The following SGMS2 variants were observed in gnomAD, a reference collection of about 807,000 sequenced individuals.
The protein encoded by SGMS2 is sphingomyelin synthase 2, also known as phosphatidylcholine:ceramide cholinephosphotransferase 2.
A neutral mutation model predicts 43.8 loss-of-function variants in SGMS2; 21 were observed. The observed-to-expected ratio is 0.48, with a 90% CI of 0.34 to 0.69. The LOEUF is 0.69. SGMS2 is among the 30% of genes least tolerant of loss of function. SGMS2 has a pLI of 0.01. For synonymous variants in SGMS2, 167 were observed against 160.6 expected (o/e 1.04, Z -0.30); for missense variants, 384 against 443.2 (o/e 0.87, Z 1.20).
At chr4:107,889,098 A>T (rs1016391985) in intron 2 of SGMS2, among the ~76,000 whole-genome samples, 1 of 152,174 alleles carries the variant, frequency 6.6e-6, no homozygotes, top group Non-Finnish European at 1.5e-5. Flanking sequence ...TGAAACAAAG[A>T]CAGTAACAGT....
Position 107,846,381 on chromosome 4 carries a change from C to A in SGMS2, c.-326-12091C>A, listed in dbSNP as rs911875874. 4.0e-5 allele frequency among the ~76,000 whole-genome samples: 6 copies of A among 149,188 alleles called. No individual in the cohort carries two copies. In the South Asian group the frequency reaches 1.1e-3, roughly 26 times the overall value. On this transcript the variant is annotated intron_variant, in intron 1 of 6. Coordinates refer to ENST00000690982, the MANE Select transcript of SGMS2 (RefSeq NM_001375905.1). ...TGTGGTATTTGGTTTTTTGTCCTTG[C>A]GATAGTTTACTGAGAATGATGATTT...
intron 4 of SGMS2, among the ~76,000 whole-genome samples, chr4:107,901,242 G>A (rs1206303423): frequency 1.3e-5 from 2 of 152,234 alleles, no homozygotes; most frequent in African/African-American, 2.4e-5. Context: ...GCATAAGCAA[G>A]CCATATATGC....
chr4:107,907,273 A>G (rs1731658882), intron 5 of SGMS2: 1 of 152,234 alleles, frequency 6.6e-6, no homozygotes, highest in Non-Finnish European at 1.5e-5. Context: ...TAGTTTTACC[A>G]AGAGATTATA....
At chr4:107,871,612 A>G (rs1458626148) in intron 2 of SGMS2, among the ~76,000 whole-genome samples, 1 of 152,098 alleles carries the variant, frequency 6.6e-6, no homozygotes, top group East Asian at 1.9e-4. Flanking sequence ...CTGTCTGTTT[A>G]CTTTACCTTC....
rs1320065981 is a variant in SGMS2, at chr4:107,913,164, C to T, written c.*2611C>T. The stretch of plus-strand genomic sequence containing the variant: ...TCTTTGTTTTTTTCAAGTCTATGCT[C>T]CTGTTTGAAGCTTTTCCTGTAATTT... On this transcript the variant is annotated 3_prime_UTR_variant, in exon 7 of 7. Coordinates refer to ENST00000690982, the MANE Select transcript of SGMS2 (RefSeq NM_001375905.1). 1 of 151,780 alleles carries T rather than the reference C, an allele frequency of 6.6e-6. No individual in the cohort carries two copies. Among genetic ancestry groups the T allele is most frequent in the Non-Finnish European group, 1.5e-5 (1 of 67,952 alleles). 9.4% of individuals were successfully genotyped at this position (151,780 alleles called of 1,614,324 possible). A position where few individuals can be genotyped will look rare whatever the true frequency, so the allele number is the denominator to read the frequency against.
chr4:107,852,399 G>A (rs1357619357), intron 1 of SGMS2, among the ~76,000 whole-genome samples: 2 of 152,096 alleles, frequency 1.3e-5, no homozygotes, highest in Non-Finnish European at 1.5e-5. Flanking sequence ...TGTGTTTTGG[G>A]AGTTTTTGTG....
intron 1 of SGMS2, among the ~76,000 whole-genome samples, chr4:107,835,581 C>T (rs533540832): frequency 2.6e-5 from 4 of 152,274 alleles, no homozygotes; most frequent in East Asian, 1.9e-4. Context: ...GGTGCAGTGT[C>T]GCATCGGACT....
rs567014381 is a variant in SGMS2 at position 107,870,572 on chromosome 4, A to T, written c.-245+12019A>T. The stretch of plus-strand genomic sequence containing the variant: ...CTTTAAAGATACCCGCCATTAACCC[A>T]TAATCACTTTTGCCAATTTTAAGAT... On this transcript the variant is annotated intron_variant, in intron 2 of 6. Coordinates refer to ENST00000690982, the MANE Select transcript of SGMS2 (RefSeq NM_001375905.1). 2.0e-5 allele frequency among the ~76,000 whole-genome samples: 3 copies of T among 152,206 alleles called. No individual in the cohort carries two copies. In the South Asian group the frequency reaches 6.2e-4, roughly 31 times the overall value.
At chr4:107,860,637 G>A (rs947554180) in intron 2 of SGMS2, among the ~76,000 whole-genome samples, 6 of 151,580 alleles carry the variant, frequency 4.0e-5, no homozygotes, top group Admixed American at 4.0e-4. Flanking sequence ...CAATTCTCCT[G>A]CCTCAGCCTC....
intron 2 of SGMS2, among the ~76,000 whole-genome samples, chr4:107,863,017 T>C (rs1170831996): frequency 6.6e-6 from 1 of 152,198 alleles, no homozygotes; most frequent in Non-Finnish European, 1.5e-5. Flanking sequence ...TTTGGAAGAA[T>C]GCCACCTTAC....
intron 1 of SGMS2, among the ~76,000 whole-genome samples, chr4:107,843,729 T>G (rs1452842314): frequency 6.6e-6 from 1 of 152,218 alleles, no homozygotes; most frequent in Admixed American, 6.5e-5. Context: ...CCAAGAAGGC[T>G]TGGATGTCTT....
At chr4:107,881,836 T>C (rs1729380929) in intron 2 of SGMS2, among the ~76,000 whole-genome samples, 1 of 152,190 alleles carries the variant, frequency 6.6e-6, no homozygotes, top group African/African-American at 2.4e-5. Context: ...TTTTAATTTT[T>C]AGCTCCCACA....
chr4:107,906,560 C>G (rs1239999558), intron 5 of SGMS2, among the ~76,000 whole-genome samples: 3 of 152,184 alleles, frequency 2.0e-5, no homozygotes, highest in Admixed American at 2.0e-4. Context: ...GTGTCATCAT[C>G]TAGCTCATTG....
At chr4:107,895,078 A>G in intron 2 of SGMS2, among the ~76,000 whole-genome samples, 1 of 152,206 alleles carries the variant, frequency 6.6e-6, no homozygotes, top group East Asian at 1.9e-4. Context: ...TGATTGTTAA[A>G]ATGTTCCTAT....
intron 2 of SGMS2, among the ~76,000 whole-genome samples, chr4:107,865,956 T>C (rs184011709): frequency 4.7e-4 from 71 of 152,340 alleles, no homozygotes; most frequent in Non-Finnish European, 9.3e-4. Context: ...TCAACCATAA[T>C]ATGCCAATGG....
chr4:107,878,388 G>C (rs1729089280), intron 2 of SGMS2, among the ~76,000 whole-genome samples: 1 of 152,160 alleles, frequency 6.6e-6, no homozygotes, highest in Non-Finnish European at 1.5e-5. Context: ...TCAAATGCAT[G>C]ATATGCTCCC....
At chr4:107,827,544 T>A (rs770265163) in intron 1 of SGMS2, among the ~76,000 whole-genome samples, 29 of 152,182 alleles carry the variant, frequency 1.9e-4, no homozygotes, top group Non-Finnish European at 4.3e-4. Context: ...CGTAAATTCT[T>A]TATGAGGCCG....
intron 1 of SGMS2, among the ~76,000 whole-genome samples, chr4:107,832,235 G>C (rs986200182): frequency 2.0e-5 from 3 of 152,104 alleles, no homozygotes; most frequent in Non-Finnish European, 4.4e-5. Flanking sequence ...GAATGTCATT[G>C]AATATATTTA....
At chr4:107,840,366 C>T (rs1726431215) in intron 1 of SGMS2, among the ~76,000 whole-genome samples, 1 of 152,178 alleles carries the variant, frequency 6.6e-6, no homozygotes, top group Admixed American at 6.5e-5. Context: ...CAGTGTTGTA[C>T]AAATATTAGC....
Sources: gnomAD v4.1 joint callset for allele counts (sites outside exome capture counted in the v4.1 genomes callset) on GRCh38, gnomAD v4.1.1 for gene constraint, MANE v1.5 for transcripts, NCBI Gene and HGNC (gene_info 2026-07-23, HGNC 2026-07-21) for gene names.